Variants in AFF4 observed in about 807,000 individuals in gnomAD.
The protein encoded by AFF4 is AF4/FMR2 family member 4.
Under a neutral mutation model 124.8 loss-of-function variants are expected in AFF4, and 13 were observed. The ratio of observed to expected loss-of-function variants is 0.10; its 90% CI spans 0.07 to 0.17. The LOEUF (loss-of-function observed/expected upper bound fraction) is 0.17, where lower values mean the gene tolerates loss of function less well. AFF4 is among the 10% of genes least tolerant of loss of function. The pLI, the probability that AFF4 is intolerant of heterozygous loss-of-function variation, is 1.00. For missense variants in AFF4, 1,092 were observed against 1,403.8 expected (o/e 0.78, Z 3.55); for synonymous variants, 477 against 496.1 (o/e 0.96, Z 0.51).
chr5:132,954,131 C>T (rs1310722855), intron 1 of AFF4, among the ~76,000 whole-genome samples: 1 of 152,154 alleles, frequency 6.6e-6, no homozygotes, highest in Non-Finnish European at 1.5e-5. Flanking sequence ...AGTTCCCAAT[C>T]TTTTTGGCAC....
At chr5:132,909,116 ACAT>A (rs911260547) in intron 5 of AFF4, among the ~76,000 whole-genome samples, 1 of 144,820 alleles carries the variant, frequency 6.9e-6, no homozygotes, top group Non-Finnish European at 1.5e-5. Context: ...CATTGTTAAA[ACAT>A]CATCTTTTTT....
intron 13 of AFF4, among the ~76,000 whole-genome samples, chr5:132,890,877 A>G (rs1028334087): frequency 6.6e-6 from 1 of 152,188 alleles, no homozygotes; most frequent in African/African-American, 2.4e-5. Context: ...GCTTTCAAGA[A>G]GCTGACGAAC....
intron 19 of AFF4, 147 bp downstream of exon 19, chr5:132,884,929 A>G: frequency 1.8e-6 from 1 of 548,874 alleles, no homozygotes; most frequent in Non-Finnish European, 3.2e-6. Flanking sequence ...AAAAATACAG[A>G]GAAAAAATTA....
rs927315661 is a variant in AFF4, at chr5:132,878,892, G to A, written c.*2167C>T. 3.2e-5 allele frequency: 7 copies of A among 222,108 alleles called. No homozygotes were observed. The highest frequency in any genetic ancestry group is 1.3e-4 in the African/African-American group (6 of 44,694). The allele number at this position is 222,108 out of a possible 1,614,324, so 13.8% of individuals were successfully genotyped here. ...GTTGCTGAAAGTCTGAAAGCCCAGA[G>A]GATACTTTTTCCATTTCTAAGACAT... On this transcript the variant is annotated 3_prime_UTR_variant, in exon 21 of 21. Transcript: ENST00000265343.
At chr5:132,908,702 GTATGTA>G (rs1445103313) in intron 5 of AFF4, among the ~76,000 whole-genome samples, 1 of 148,096 alleles carries the variant, frequency 6.8e-6, no homozygotes, top group African/African-American at 2.5e-5. Flanking sequence ...TAGCTTGAAT[GTATGTA>G]TATGTATATA....
chr5:132,890,030 G>T (rs1475420805), intron 13 of AFF4, among the ~76,000 whole-genome samples: 1 of 151,732 alleles, frequency 6.6e-6, no homozygotes. Flanking sequence ...TTAATAAAAC[G>T]AATATACATT....
chr5:132,901,723 A>T (rs1326265333), intron 7 of AFF4, among the ~76,000 whole-genome samples: 1 of 152,276 alleles, frequency 6.6e-6, no homozygotes, highest in Non-Finnish European at 1.5e-5. Context: ...CCTAAAGAAG[A>T]ATCCTGTCTT....
At chr5:132,931,533 A>C (rs1192398135) in intron 4 of AFF4, among the ~76,000 whole-genome samples, 1 of 152,254 alleles carries the variant, frequency 6.6e-6, no homozygotes, top group Non-Finnish European at 1.5e-5. Flanking sequence ...TAATGGTTTG[A>C]CTGATAACTA....
At chr5:132,930,436 A>G (rs1761272306) in intron 4 of AFF4, among the ~76,000 whole-genome samples, 1 of 152,330 alleles carries the variant, frequency 6.6e-6, no homozygotes, top group African/African-American at 2.4e-5. Flanking sequence ...ACATAGCAGA[A>G]AGAATAAAAA....
In AFF4 at chr5:132,905,586, G is replaced by A. The variant is rs578160445; in HGVS notation, c.1051-1182C>T. Reference sequence around the variant, plus strand: ...GGGAAAGAATAGTCTTTTTAACAACGGTGCTGGACAAACTGAATATCCATG... The same window carrying A: ...GGGAAAGAATAGTCTTTTTAACAACAGTGCTGGACAAACTGAATATCCATG... On this transcript the variant is annotated intron_variant, in intron 5 of 20. Coordinates refer to ENST00000265343, the MANE Select transcript of AFF4 (RefSeq NM_014423.4). Among the ~76,000 whole-genome samples the A allele has an allele frequency of 2.6e-5, 4 of 152,228 alleles. No homozygotes were observed. The South Asian group carries it at 8.3e-4, about 32-fold the overall frequency.
chr5:132,884,744 A>C (rs10491278), intron 19 of AFF4, among the ~76,000 whole-genome samples: 17,542 of 152,206 alleles, frequency 0.12, 1,284 homozygotes, highest in South Asian at 0.19. Context: ...ATTGTTACTA[A>C]ATTCTGGCAG....
At position 132,880,460 on chromosome 5, in the gene AFF4, TAGA is replaced by T. The variant is rs909016203; in HGVS notation, c.*596_*598del. The T allele has an allele frequency of 1.5e-5, 6 of 397,542 alleles. No homozygotes were observed. Among genetic ancestry groups the T allele is most frequent in the African/African-American group, 8.2e-5 (4 of 48,618 alleles). The allele number at this position is 397,542 out of a possible 1,614,324, so 24.6% of individuals were successfully genotyped here. Reference sequence around the variant, plus strand: ...CATATTTAAGTGATTTTTTCATGTGTAGAAGAATATCCTTAATACTAACTGTAA... The same window carrying T: ...CATATTTAAGTGATTTTTTCATGTGTAGAATATCCTTAATACTAACTGTAA... On this transcript the variant is annotated 3_prime_UTR_variant, in exon 21 of 21. Coordinates refer to ENST00000265343, the MANE Select transcript of AFF4 (RefSeq NM_014423.4).
rs1250077474 is a variant in AFF4, at chr5:132,892,189, G to A, written c.2612C>T (p.Thr871Ile). ...TSKQKKTEGK[T>I]SSSSKEVKEK... ...CTTAACCTCCTTGGAGCTACTGGAA[G>A]TCTTCCCTTCGGTCTTCTTCTGCTT... The change falls in exon 13 of 21, where the codon ACT becomes ATT. Residue 871 changes from threonine to isoleucine, a missense_variant. Coordinates refer to ENST00000265343, the MANE Select transcript of AFF4 (RefSeq NM_014423.4). The A allele has an allele frequency of 6.2e-7, 1 of 1,614,028 alleles. No homozygotes were observed. Among genetic ancestry groups the A allele is most frequent in the East Asian group, 2.2e-5 (1 of 44,876 alleles).
intron 1 of AFF4, among the ~76,000 whole-genome samples, chr5:132,944,535 T>C (rs1175031089): frequency 1.3e-5 from 2 of 152,100 alleles, no homozygotes; most frequent in Non-Finnish European, 2.9e-5. Flanking sequence ...TGGTCCCAGC[T>C]ACTCAGGAAA....
intron 1 of AFF4, chr5:132,943,765 G>T: frequency 3.2e-6 from 1 of 317,282 alleles, no homozygotes; most frequent in South Asian, 7.1e-5. Context: ...GGAAGCAGCT[G>T]GCTTCACTGC....
chr5:132,891,090 T>G (rs1760245203), intron 13 of AFF4, among the ~76,000 whole-genome samples: 1 of 151,738 alleles, frequency 6.6e-6, no homozygotes, highest in Admixed American at 6.6e-5. Context: ...AGGCCTCAAA[T>G]CCTACAGTTA....
chr5:132,899,512 A>C, intron 8 of AFF4, 75 bp downstream of exon 8: 1 of 1,299,712 alleles, frequency 7.7e-7, no homozygotes, highest in Non-Finnish European at 1.1e-6. Flanking sequence ...TAAATGCATT[A>C]TTCAATTATC....
Position 132,884,070 on chromosome 5 carries a change from G to C in AFF4, c.3144-510C>G, listed in dbSNP as rs369669172. 1.1e-4 allele frequency among the ~76,000 whole-genome samples: 17 copies of C among 152,272 alleles called. No individual in the cohort carries two copies. The East Asian group carries it at 3.1e-3, about 28-fold the overall frequency. The stretch of plus-strand genomic sequence containing the variant: ...AGAGGTACAGCTCTCTCAAGCAACT[G>C]TAATCACCCCAAGCTTCCTGCCAAT... On this transcript the variant is annotated intron_variant, in intron 19 of 20. Coordinates refer to ENST00000265343, the MANE Select transcript of AFF4 (RefSeq NM_014423.4).
intron 11 of AFF4, among the ~76,000 whole-genome samples, chr5:132,893,345 A>T (rs1760309220): frequency 6.6e-6 from 1 of 152,188 alleles, no homozygotes; most frequent in African/African-American, 2.4e-5. Flanking sequence ...TACAGTCTCT[A>T]AGATGGCATC....
Sources: allele counts gnomAD v4.1 joint callset (sites outside exome capture counted in the v4.1 genomes callset), GRCh38; gene constraint gnomAD v4.1.1; transcripts MANE v1.5; gene names NCBI Gene and HGNC (gene_info 2026-07-23, HGNC 2026-07-21).